RAB10: variants seen among roughly 807,000 people sequenced by gnomAD.
RAB10 encodes the protein ras-related protein Rab-10.
Under a neutral mutation model 25.7 loss-of-function variants are expected in RAB10, and 5 were observed. That is an observed-to-expected ratio of 0.19 (90% confidence interval 0.10 to 0.41). The LOEUF (loss-of-function observed/expected upper bound fraction) is 0.41. Ranked by LOEUF, RAB10 falls within the 10% of genes least tolerant of loss-of-function variation. The probability of loss-of-function intolerance (pLI) is 1.00; values close to 1 mark genes in which losing one functional copy is unlikely to be tolerated. For missense variants in RAB10, 103 were observed against 245.8 expected, an observed-to-expected ratio of 0.42 and a Z score of 3.89; for synonymous variants, 89 against 86.4, an observed-to-expected ratio of 1.03 and a Z score of -0.16.
At chr2:26,126,485 C>T (rs1328566753) in intron 3 of RAB10, among the ~76,000 whole-genome samples, 2 of 152,104 alleles carry the variant, frequency 1.3e-5, no homozygotes, top group African/African-American at 4.8e-5. Flanking sequence ...CACAGCTACT[C>T]AAGAGGCTAA....
At chr2:26,078,067 G>GT (rs1666778300) in intron 1 of RAB10, among the ~76,000 whole-genome samples, 1 of 152,084 alleles carries the variant, frequency 6.6e-6, no homozygotes, top group Non-Finnish European at 1.5e-5. Flanking sequence ...AAAAATTAAA[G>GT]TAAGACAATT....
chr2:26,062,520 A>T (rs910519906), intron 1 of RAB10, among the ~76,000 whole-genome samples: 6 of 151,964 alleles, frequency 3.9e-5, no homozygotes. Flanking sequence ...TCTACTAAAA[A>T]TACAAAAATA....
intron 2 of RAB10, chr2:26,101,184 C>T (rs1476237352): frequency 6.6e-6 from 1 of 152,160 alleles, no homozygotes; most frequent in Admixed American, 6.5e-5. Context: ...AGATAGGAGC[C>T]CTGCCTGCAA....
rs529010342 is a variant in RAB10, at chr2:26,038,398, G to C, written c.127+3663G>C. On this transcript the variant is annotated intron_variant, in intron 1 of 5. Transcript: ENST00000264710. Reference sequence around the variant, plus strand: ...TTTAGTAGAGGTGGTGTTTCATCATGTTGGTCAGGCTGCTCTTGAACTCCT... The same window carrying C: ...TTTAGTAGAGGTGGTGTTTCATCATCTTGGTCAGGCTGCTCTTGAACTCCT... Among the ~76,000 whole-genome samples, 6 of 151,082 alleles carry C rather than the reference G, an allele frequency of 4.0e-5. 1 individual carries two copies. In the South Asian group the frequency reaches 1.3e-3, roughly 32 times the overall value.
At chr2:26,069,338 A>G (rs564028627) in intron 1 of RAB10, among the ~76,000 whole-genome samples, 1 of 152,228 alleles carries the variant, frequency 6.6e-6, no homozygotes, top group African/African-American at 2.4e-5. Flanking sequence ...TTTTTCTATA[A>G]TTTAAACTTT....
chr2:26,098,759 C>G (rs1484403097), intron 2 of RAB10, 37 bp downstream of exon 2: 4 of 1,488,804 alleles, frequency 2.7e-6, no homozygotes, highest in African/African-American at 2.8e-5. Context: ...AGCAGAATGT[C>G]AGGTTCCTTA....
At chr2:26,129,626 G>A (rs1667973790) in intron 5 of RAB10, among the ~76,000 whole-genome samples, 1 of 152,154 alleles carries the variant, frequency 6.6e-6, no homozygotes, top group African/African-American at 2.4e-5. Flanking sequence ...AATTTTTAGA[G>A]TGAAATGTAG....
chr2:26,067,221 G>A (rs1487061362), intron 1 of RAB10, among the ~76,000 whole-genome samples: 1 of 152,156 alleles, frequency 6.6e-6, no homozygotes, highest in East Asian at 1.9e-4. Flanking sequence ...CTAGCCAAAT[G>A]TTGATGCTTC....
At chr2:26,066,822 A>G (rs1054351988) in intron 1 of RAB10, among the ~76,000 whole-genome samples, 1 of 133,380 alleles carries the variant, frequency 7.5e-6, no homozygotes, top group Non-Finnish European at 1.5e-5. Context: ...TCACTCTGTC[A>G]CCCAGGCTGA....
At position 26,120,604 on chromosome 2, in the gene RAB10, T is replaced by C. The variant is rs894439322; in HGVS notation, c.328-6540T>C. ...AAATAGGGAGTTTCTTTTTTTTTTT[T>C]CTTGAGACGGAGTCTCGCTCTGTTG... is the stretch of plus-strand genomic sequence containing the variant. On this transcript the variant is annotated intron_variant, in intron 3 of 5. Transcript: ENST00000264710. Among the ~76,000 whole-genome samples the C allele has an allele frequency of 2.6e-5, 4 of 151,754 alleles. No homozygotes were observed. In the South Asian group the frequency reaches 8.3e-4, roughly 31 times the overall value.
chr2:26,131,975 T>C (rs1668021438), intron 5 of RAB10, among the ~76,000 whole-genome samples: 1 of 152,242 alleles, frequency 6.6e-6, no homozygotes, highest in South Asian at 2.1e-4. Context: ...AATCTTGTAT[T>C]TAAATTATTT....
intron 5 of RAB10, among the ~76,000 whole-genome samples, chr2:26,131,666 C>T (rs1439737214): frequency 6.6e-6 from 1 of 152,028 alleles, no homozygotes; most frequent in Non-Finnish European, 1.5e-5. Flanking sequence ...TCCTCATTTC[C>T]CCCTTACTCC....
At chr2:26,109,021 C>T (rs981196301) in intron 2 of RAB10, among the ~76,000 whole-genome samples, 67 of 152,088 alleles carry the variant, frequency 4.4e-4, no homozygotes, top group African/African-American at 1.4e-3. Context: ...AAGCAGTTCT[C>T]TTACCTCAGC....
At chr2:26,040,819 A>G (rs1214545247) in intron 1 of RAB10, among the ~76,000 whole-genome samples, 1 of 152,154 alleles carries the variant, frequency 6.6e-6, no homozygotes, top group Non-Finnish European at 1.5e-5. Flanking sequence ...TAATTTTTAT[A>G]GATTTATAGG....
At chr2:26,119,106 T>G (rs1025278111) in intron 3 of RAB10, among the ~76,000 whole-genome samples, 4 of 152,168 alleles carry the variant, frequency 2.6e-5, no homozygotes, top group Non-Finnish European at 4.4e-5. Context: ...AGTAAGATCA[T>G]CCAAGTAAGG....
chr2:26,054,917 G>A (rs1034244648), intron 1 of RAB10, among the ~76,000 whole-genome samples: 17 of 151,940 alleles, frequency 1.1e-4, no homozygotes, highest in African/African-American at 4.1e-4. Context: ...GGAGGTGGAG[G>A]TTACAGTGAG....
chr2:26,054,272 T>A (rs1358992333), intron 1 of RAB10, among the ~76,000 whole-genome samples: 1 of 152,000 alleles, frequency 6.6e-6, no homozygotes, highest in Non-Finnish European at 1.5e-5. Flanking sequence ...CAGGCTGGTC[T>A]CAAACTCCTG....
chr2:26,116,015 AC>A (rs1468250239), intron 3 of RAB10, among the ~76,000 whole-genome samples: 6 of 151,754 alleles, frequency 4.0e-5, no homozygotes, highest in African/African-American at 1.5e-4. Context: ...GCATGCTGCC[AC>A]GCCCGGCTAA....
chr2:26,054,693 A>G (rs1285833679), intron 1 of RAB10, among the ~76,000 whole-genome samples: 1 of 152,238 alleles, frequency 6.6e-6, no homozygotes, highest in Non-Finnish European at 1.5e-5. Context: ...CCTGCAGGAA[A>G]GTTAGAACAC....
Sources: gnomAD v4.1 joint callset for allele counts (sites outside exome capture counted in the v4.1 genomes callset) on GRCh38, gnomAD v4.1.1 for gene constraint, MANE v1.5 for transcripts, NCBI Gene and HGNC (gene_info 2026-07-23, HGNC 2026-07-21) for gene names.